Variants in CATSPERB observed in about 807,000 individuals in gnomAD.
CATSPERB encodes catsper channel auxiliary subunit beta, also known as cation channel sperm-associated auxiliary subunit beta.
CATSPERB carries 93 observed loss-of-function variants against 128.3 expected under a neutral mutation model. That is an observed-to-expected ratio of 0.72 (90% CI 0.61 to 0.86). The LOEUF is 0.86. Among genes scored for constraint, CATSPERB ranks in the 40% least tolerant of loss-of-function variants. CATSPERB has a pLI of 0.00. For synonymous variants in CATSPERB, 381 were observed against 448.8 expected, an observed-to-expected ratio of 0.85 and a Z score of 1.91; for missense variants, 1,153 against 1,329.5, an observed-to-expected ratio of 0.87 and a Z score of 2.06.
chr14:91,610,436 T>C (rs756347839), intron 21 of CATSPERB, 44 bp downstream of exon 21: 2 of 1,526,560 alleles, frequency 1.3e-6, no homozygotes, highest in Non-Finnish European at 9.0e-7. Flanking sequence ...AAAAGTCACA[T>C]AGCATTGCTT....
chr14:91,639,324 A>G, intron 15 of CATSPERB, 74 bp from the exon 16 acceptor site: 1 of 1,224,640 alleles, frequency 8.2e-7, no homozygotes, highest in Non-Finnish European at 1.1e-6. Flanking sequence ...CATACCTTGT[A>G]AAGACACCTT....
intron 15 of CATSPERB, among the ~76,000 whole-genome samples, chr14:91,640,090 T>C (rs1470533362): frequency 6.6e-6 from 1 of 152,150 alleles, no homozygotes; most frequent in Non-Finnish European, 1.5e-5. Context: ...ACAGCTTCAT[T>C]CGATGTTGGT....
intron 5 of CATSPERB, among the ~76,000 whole-genome samples, chr14:91,716,918 A>T (rs573893022): frequency 6.6e-6 from 1 of 152,324 alleles, no homozygotes; most frequent in East Asian, 1.9e-4. Flanking sequence ...GCTAAATGCA[A>T]CAAAAATTTA....
chr14:91,693,126 C>T lies in CATSPERB; in HGVS notation c.831G>A (p.Ser277=), dbSNP rs372155702. The T allele has an allele frequency of 1.4e-5, 23 of 1,595,376 alleles. No individual in the cohort carries two copies. The highest frequency in any genetic ancestry group is 6.8e-5 in the Admixed American group (4 of 59,214). The change falls in exon 9 of 27, where the codon TCG becomes TCA. Residue 277 remains serine (S), a splice_region_variant and synonymous_variant. Coordinates refer to ENST00000256343, the MANE Select transcript of CATSPERB (RefSeq NM_024764.4). ...DLRYPSRHSL[S]FSRADFCGFE... ...ATTAGTTACAAAGCAATTTACATAC[C>T]GATAAGCTGTGGCGTGATGGATAAC... is the stretch of plus-strand genomic sequence containing the variant.
chr14:91,696,107 T>C (rs545456781), intron 7 of CATSPERB, among the ~76,000 whole-genome samples: 3 of 152,312 alleles, frequency 2.0e-5, no homozygotes, highest in African/African-American at 7.2e-5. Flanking sequence ...AGTAGTTTTG[T>C]TTCAAAGGAG....
chr14:91,681,659 C>T (rs1895283218), intron 11 of CATSPERB, among the ~76,000 whole-genome samples: 1 of 152,196 alleles, frequency 6.6e-6, no homozygotes, highest in South Asian at 2.1e-4. Flanking sequence ...CTTCCAGGTC[C>T]TCATACCCTA....
chr14:91,590,572 A>C (rs1729078427), intron 23 of CATSPERB, among the ~76,000 whole-genome samples: 1 of 152,148 alleles, frequency 6.6e-6, no homozygotes. Flanking sequence ...TAATTTACAG[A>C]ATGCTGACTC....
chr14:91,635,621 G>T (rs1001477445), intron 17 of CATSPERB: 2 of 152,156 alleles, frequency 1.3e-5, no homozygotes, highest in Admixed American at 1.3e-4. Context: ...GCCTCCCAAA[G>T]TTCTGGGATT....
At chr14:91,603,145 GTA>G (rs1214124314) in intron 22 of CATSPERB, 1 of 784,690 alleles carries the variant, frequency 1.3e-6, no homozygotes, top group Non-Finnish European at 2.4e-6. Flanking sequence ...ACTCTTCCTT[GTA>G]TACCTTCATG....
At position 91,588,089 on chromosome 14, in the gene CATSPERB, A is replaced by C; in HGVS notation, c.2957-11T>G. The C allele has an allele frequency of 2.0e-6, 3 of 1,509,942 alleles. No homozygotes were observed. The highest frequency in any genetic ancestry group is 1.8e-6 in the Non-Finnish European group (2 of 1,091,800). The allele number at this position is 1,509,942 out of a possible 1,614,324, so 93.5% of individuals were successfully genotyped here. A position where few individuals can be genotyped will look rare whatever the true frequency, so the allele number is the denominator to read the frequency against. The stretch of plus-strand genomic sequence containing the variant: ...CTGGCACAGTGTGTTCTAAAAATAC[A>C]TAAAACATATTTTAAGCACACTTAT... On this transcript the variant is annotated splice_polypyrimidine_tract_variant and intron_variant, in intron 24 of 26. Coordinates refer to ENST00000256343, the MANE Select transcript of CATSPERB (RefSeq NM_024764.4).
chr14:91,603,384 T>A, intron 22 of CATSPERB: 6 of 1,609,750 alleles, frequency 3.7e-6, no homozygotes, highest in Non-Finnish European at 8.5e-7. Flanking sequence ...TCCAACAGCC[T>A]CAATATTAAA....
chr14:91,612,781 C>T (rs1893859669), intron 20 of CATSPERB, among the ~76,000 whole-genome samples: 1 of 152,032 alleles, frequency 6.6e-6, no homozygotes, highest in South Asian at 2.1e-4. Context: ...TGAATTTAAG[C>T]AGAGTTCCAC....
chr14:91,661,526 T>C (rs1485878026), intron 14 of CATSPERB, among the ~76,000 whole-genome samples: 1 of 135,212 alleles, frequency 7.4e-6, no homozygotes, highest in Non-Finnish European at 1.5e-5. Context: ...GATGCTATCA[T>C]ATATATATAT....
chr14:91,596,323 C>A (rs1893505083), intron 22 of CATSPERB, among the ~76,000 whole-genome samples: 1 of 152,120 alleles, frequency 6.6e-6, no homozygotes, highest in Non-Finnish European at 1.5e-5. Flanking sequence ...CCTTCCTCAG[C>A]CTCCTGAGTA....
chr14:91,595,797 G>T (rs1432489131), intron 22 of CATSPERB, among the ~76,000 whole-genome samples: 1 of 152,158 alleles, frequency 6.6e-6, no homozygotes, highest in Non-Finnish European at 1.5e-5. Flanking sequence ...GATTCTTACT[G>T]CACTTATGCA....
At chr14:91,719,037 T>A (rs2139777304) in intron 5 of CATSPERB, among the ~76,000 whole-genome samples, 1 of 152,272 alleles carries the variant, frequency 6.6e-6, no homozygotes, top group African/African-American at 2.4e-5. Flanking sequence ...CTTAATAGAT[T>A]CCATAATAAA....
chr14:91,582,977 A>G (rs1893231276), intron 26 of CATSPERB, among the ~76,000 whole-genome samples: 1 of 152,220 alleles, frequency 6.6e-6, no homozygotes, highest in African/African-American at 2.4e-5. Flanking sequence ...GGAGGATGTC[A>G]CCAGCTGTGG....
chr14:91,589,813 A>C, intron 23 of CATSPERB, 144 bp from the exon 24 acceptor site: 2 of 700,040 alleles, frequency 2.9e-6, no homozygotes, highest in Non-Finnish European at 4.7e-6. Context: ...CTTTTCAGTC[A>C]TGAAAATGTC....
intron 26 of CATSPERB, among the ~76,000 whole-genome samples, chr14:91,581,387 T>C (rs544039953): frequency 3.2e-4 from 48 of 152,340 alleles, no homozygotes; most frequent in African/African-American, 9.1e-4. Flanking sequence ...CAGAACATTC[T>C]CTGTTCAGTC....
Sources: gnomAD v4.1 joint callset for allele counts (sites outside exome capture counted in the v4.1 genomes callset) on GRCh38, gnomAD v4.1.1 for gene constraint, MANE v1.5 for transcripts, NCBI Gene and HGNC (gene_info 2026-07-23, HGNC 2026-07-21) for gene names.